The following SOX5 variants were observed in gnomAD, a reference collection of about 807,000 sequenced individuals.
SOX5 encodes the protein transcription factor SOX-5.
A neutral mutation model predicts 92.0 loss-of-function variants in SOX5; 9 were observed. The observed-to-expected ratio is 0.10, with a 90% CI of 0.06 to 0.17. The LOEUF is 0.17. SOX5 is among the 10% of genes least tolerant of loss of function. The probability of loss-of-function intolerance (pLI) is 1.00; values close to 1 mark genes in which losing one functional copy is unlikely to be tolerated. For missense variants in SOX5, 642 were observed against 944.5 expected (o/e 0.68, Z 4.20); for synonymous variants, 344 against 336.3 (o/e 1.02, Z -0.25).
intron 4 of SOX5, among the ~76,000 whole-genome samples, chr12:24,093,534 A>C (rs1266444083): frequency 6.7e-6 from 1 of 149,856 alleles, no homozygotes; most frequent in Admixed American, 6.7e-5. Context: ...AAAAAAAAAA[A>C]ACAAAAACAA....
intron 9 of SOX5, chr12:23,582,145 C>G: frequency 1.0e-6 from 1 of 985,136 alleles, no homozygotes; most frequent in Non-Finnish European, 1.2e-6. Context: ...GCATAATGTG[C>G]ACTGTTGCCG....
chr12:23,966,428 A>G (rs76899887), intron 4 of SOX5, among the ~76,000 whole-genome samples: 1 of 151,844 alleles, frequency 6.6e-6, no homozygotes, highest in African/African-American at 2.4e-5. Flanking sequence ...GTTGATTTAA[A>G]TGAAATGATT....
intron 1 of SOX5, among the ~76,000 whole-genome samples, chr12:24,419,995 A>G (rs1309736330): frequency 6.6e-6 from 1 of 152,290 alleles, no homozygotes; most frequent in African/African-American, 2.4e-5. Flanking sequence ...TGCTAAGATC[A>G]GAAACTGTAT....
At chr12:24,411,759 T>C (rs1469968624) in intron 1 of SOX5, among the ~76,000 whole-genome samples, 1 of 152,182 alleles carries the variant, frequency 6.6e-6, no homozygotes, top group African/African-American at 2.4e-5. Flanking sequence ...ATGGGGGATA[T>C]TGGTCTCATT....
chr12:23,740,322 C>A (rs1301971351), intron 5 of SOX5, among the ~76,000 whole-genome samples: 2 of 152,216 alleles, frequency 1.3e-5, no homozygotes, highest in African/African-American at 4.8e-5. Context: ...CTTTTGCCTA[C>A]TCAAAGAATT....
At chr12:24,043,942 T>G (rs1183364403) in intron 4 of SOX5, among the ~76,000 whole-genome samples, 1 of 152,220 alleles carries the variant, frequency 6.6e-6, no homozygotes, top group Non-Finnish European at 1.5e-5. Flanking sequence ...ACAAAGCATG[T>G]ACCCACTTCA....
chr12:24,266,870 T>C (rs561925174), intron 3 of SOX5, among the ~76,000 whole-genome samples: 2 of 152,322 alleles, frequency 1.3e-5, no homozygotes, highest in East Asian at 3.9e-4. Flanking sequence ...ACAATTTTTC[T>C]TTGGTGATTA....
chr12:23,945,286 C>T (rs114502051), intron 1 of SOX5, among the ~76,000 whole-genome samples: 1,964 of 152,190 alleles, frequency 0.013, 46 homozygotes, highest in African/African-American at 0.045. Flanking sequence ...TCAAAAACTC[C>T]CTAAGAACAG....
intron 1 of SOX5, among the ~76,000 whole-genome samples, chr12:24,419,033 G>T (rs961416064): frequency 2.0e-5 from 3 of 152,250 alleles, no homozygotes; most frequent in Non-Finnish European, 4.4e-5. Context: ...CACAACAAAT[G>T]TTGTGTGTTT....
At chr12:24,513,138 T>A (rs1202656836) in intron 1 of SOX5, among the ~76,000 whole-genome samples, 1 of 152,242 alleles carries the variant, frequency 6.6e-6, no homozygotes, top group Non-Finnish European at 1.5e-5. Context: ...GAGGCTACAG[T>A]GCCCTGTGTT....
chr12:24,461,696 C>T (rs1053989743), intron 1 of SOX5, among the ~76,000 whole-genome samples: 1 of 152,096 alleles, frequency 6.6e-6, no homozygotes, highest in Non-Finnish European at 1.5e-5. Flanking sequence ...AGTAATAAAA[C>T]CTAACCTTCA....
chr12:24,112,521 C>CT (rs139323766), intron 4 of SOX5, among the ~76,000 whole-genome samples: 20,138 of 75,604 alleles, frequency 0.27, 5,744 homozygotes, highest in East Asian at 0.54. Flanking sequence ...TTCAAGGTTC[C>CT]TTTTTTTTTT....
chr12:24,076,598 A>AAT lies in SOX5; in HGVS notation c.-2+136744_-2+136745insAT, dbSNP rs1261543043. The stretch of plus-strand genomic sequence containing the variant: ...TTGCAAACATGCAGAATCTTTTTCC[A>AAT]TGTGAAAAAGTCTAAAGTATTTTCA... On this transcript the variant is annotated intron_variant, in intron 4 of 4. Coordinates refer to the SOX5 transcript ENST00000446891. Among the ~76,000 whole-genome samples, 603 of 152,146 alleles carry AAT rather than the reference A, an allele frequency of 4.0e-3. 3 individuals carry two copies. The highest frequency in any genetic ancestry group is 7.1e-3 in the Non-Finnish European group (484 of 68,008).
At chr12:24,247,386 A>G (rs138711340) in intron 3 of SOX5, among the ~76,000 whole-genome samples, 15 of 152,298 alleles carry the variant, frequency 9.8e-5, no homozygotes, top group African/African-American at 3.6e-4. Context: ...GTGGCTTAAA[A>G]TGAAATCAGT....
At chr12:24,125,545 C>T (rs1949030806) in intron 4 of SOX5, among the ~76,000 whole-genome samples, 1 of 152,148 alleles carries the variant, frequency 6.6e-6, no homozygotes, top group Non-Finnish European at 1.5e-5. Flanking sequence ...CTTCTGTTTT[C>T]CCAACTCTCT....
At chr12:24,517,197 C>T (rs924833739) in intron 1 of SOX5, among the ~76,000 whole-genome samples, 1 of 152,336 alleles carries the variant, frequency 6.6e-6, no homozygotes, top group East Asian at 1.9e-4. Flanking sequence ...ATCCCCCTTT[C>T]CCTTGCTGCC....
At chr12:24,194,404 G>T (rs994034913) in intron 4 of SOX5, among the ~76,000 whole-genome samples, 5 of 149,442 alleles carry the variant, frequency 3.3e-5, no homozygotes, top group Non-Finnish European at 7.4e-5. Flanking sequence ...TATCTATCTA[G>T]ATAGGTAGGT....
At chr12:24,109,536 T>A (rs1469894662) in intron 4 of SOX5, among the ~76,000 whole-genome samples, 2 of 152,162 alleles carry the variant, frequency 1.3e-5, no homozygotes, top group East Asian at 3.8e-4. Context: ...GTACAACACT[T>A]CTGAAAGTGA....
At chr12:23,745,269 T>C (rs1032191177) in intron 4 of SOX5, among the ~76,000 whole-genome samples, 2 of 152,198 alleles carry the variant, frequency 1.3e-5, no homozygotes, top group Admixed American at 1.3e-4. Flanking sequence ...ATTTTTGTCA[T>C]CTTTTTTCAT....
Sources: allele counts gnomAD v4.1 joint callset (sites outside exome capture counted in the v4.1 genomes callset), GRCh38; gene constraint gnomAD v4.1.1; transcripts MANE v1.5; gene names NCBI Gene and HGNC (gene_info 2026-07-23, HGNC 2026-07-21).